The following ETV1 variants were observed in gnomAD, a reference collection of about 807,000 sequenced individuals.
ETV1 encodes the protein ETS variant transcription factor 1.
ETV1 carries 27 observed loss-of-function variants against 62.3 expected under a neutral mutation model. That is an observed-to-expected ratio of 0.43 (90% CI 0.32 to 0.60). The LOEUF is 0.60. Ranked by LOEUF, ETV1 falls within the 20% of genes least tolerant of loss-of-function variation. The pLI is 0.06. For missense variants in ETV1, 605 were observed against 605.8 expected, an observed-to-expected ratio of 1.00 and a Z score of 0.01; for synonymous variants, 222 against 199.6, an observed-to-expected ratio of 1.11 and a Z score of -0.94.
At chr7:13,922,282 C>G (rs1235049655) in intron 9 of ETV1, among the ~76,000 whole-genome samples, 1 of 152,136 alleles carries the variant, frequency 6.6e-6, no homozygotes, top group East Asian at 1.9e-4. Context: ...GGCATACATT[C>G]GTAACAACTT....
intron 9 of ETV1, among the ~76,000 whole-genome samples, chr7:13,925,391 T>A (rs1329585934): frequency 1.3e-5 from 2 of 152,122 alleles, no homozygotes; most frequent in Admixed American, 6.6e-5. Context: ...TGAACATGAA[T>A]CCCACTAAGT....
At chr7:13,927,603 G>C (rs778977681) in intron 9 of ETV1, among the ~76,000 whole-genome samples, 1 of 152,054 alleles carries the variant, frequency 6.6e-6, no homozygotes, top group Non-Finnish European at 1.5e-5. Flanking sequence ...TTCCTCAAAG[G>C]TTATTAAGTG....
chr7:13,972,387 A>G (rs1463562520), intron 6 of ETV1, among the ~76,000 whole-genome samples: 1 of 152,032 alleles, frequency 6.6e-6, no homozygotes, highest in East Asian at 1.9e-4. Context: ...AGCCAAAATC[A>G]TGCCACTGCA....
chr7:13,979,238 G>A (rs1443653436), intron 5 of ETV1, among the ~76,000 whole-genome samples: 2 of 151,920 alleles, frequency 1.3e-5, no homozygotes, highest in East Asian at 1.9e-4. Flanking sequence ...CAGTCTAAAC[G>A]CAATGCCAGC....
intron 6 of ETV1, among the ~76,000 whole-genome samples, chr7:13,954,943 A>G (rs1474408158): frequency 6.6e-6 from 1 of 152,208 alleles, no homozygotes; most frequent in East Asian, 1.9e-4. Context: ...GTAAATGCCA[A>G]TAAAACTTTA....
At position 13,936,448 on chromosome 7, in the gene ETV1, C is replaced by T. The variant is rs143086249; in HGVS notation, c.366-552G>A. Among the ~76,000 whole-genome samples the T allele has an allele frequency of 9.1e-4, 139 of 152,190 alleles. 1 individual carries two copies. Among genetic ancestry groups the T allele is most frequent in the African/African-American group, 3.2e-3 (131 of 41,522 alleles). ...ATGATGCTTGGCATTAACTTCCCCA[C>T]ATGGGATAATGAAGATTAATGAGGT... On this transcript the variant is annotated intron_variant, in intron 7 of 13. Coordinates refer to ENST00000430479, the MANE Select transcript of ETV1 (RefSeq NM_004956.5).
In ETV1 at chr7:13,975,608, G is replaced by A. The variant is rs556145733; in HGVS notation, c.235+1819C>T. On this transcript the variant is annotated intron_variant, in intron 6 of 13. Coordinates refer to ENST00000430479, the MANE Select transcript of ETV1 (RefSeq NM_004956.5). ...AAGAAAAGAAAAAAAAAAAGGAAAG[G>A]TTTCGGGACAGAACCCTAGGGAAAG... 5.4e-5 allele frequency among the ~76,000 whole-genome samples: 8 copies of A among 148,976 alleles called. No homozygotes were observed. The South Asian group carries it at 1.5e-3, about 28-fold the overall frequency.
chr7:13,931,348 T>C (rs1786124501), intron 9 of ETV1, among the ~76,000 whole-genome samples, 154 bp downstream of exon 9: 2 of 152,220 alleles, frequency 1.3e-5, no homozygotes, highest in South Asian at 2.1e-4. Flanking sequence ...GTTCAAATCT[T>C]TACACGTAGA....
At chr7:13,953,345 A>G (rs1789044858) in intron 6 of ETV1, among the ~76,000 whole-genome samples, 1 of 152,222 alleles carries the variant, frequency 6.6e-6, no homozygotes, top group South Asian at 2.1e-4. Context: ...CACCTCTTCT[A>G]CAGAAATTGT....
intron 7 of ETV1, among the ~76,000 whole-genome samples, chr7:13,937,720 A>G (rs1042893355): frequency 6.6e-6 from 1 of 152,236 alleles, no homozygotes; most frequent in Non-Finnish European, 1.5e-5. Flanking sequence ...ACTATAAAAT[A>G]AAACTCAGAT....
At chr7:13,943,458 T>G (rs754404280) in intron 6 of ETV1, among the ~76,000 whole-genome samples, 3 of 152,206 alleles carry the variant, frequency 2.0e-5, no homozygotes, top group Admixed American at 6.5e-5. Context: ...GAAAACTTTC[T>G]GGCAATATCT....
chr7:13,924,260 G>A (rs972982228), intron 9 of ETV1, among the ~76,000 whole-genome samples: 3 of 152,100 alleles, frequency 2.0e-5, no homozygotes, highest in South Asian at 2.1e-4. Context: ...GAGGTCCAAT[G>A]AGAAGACTCA....
At chr7:13,948,950 G>C (rs980953182) in intron 6 of ETV1, among the ~76,000 whole-genome samples, 7 of 152,006 alleles carry the variant, frequency 4.6e-5, no homozygotes, top group African/African-American at 1.7e-4. Context: ...ACACAAACTA[G>C]CTGATTAAAA....
At chr7:13,970,325 CAAAGCAGCAACTACAA>C (rs1400192884) in intron 6 of ETV1, among the ~76,000 whole-genome samples, 1 of 126,560 alleles carries the variant, frequency 7.9e-6, no homozygotes, top group Non-Finnish European at 1.7e-5. Context: ...CACACACACA[CAAAGCAGCAACTACAA>C]AAAGCATACC....
Position 13,935,771 on chromosome 7 carries a change from G to T in ETV1, c.491C>A (p.Ala164Asp), listed in dbSNP as rs766310266. The part of the protein sequence containing the change: ...NSTHTPKPDR[A>D]FPAHLPPSQS... ...CGATGGAGGGAGGTGAGCTGGGAAG[G>T]CCCGGTCAGGTTTCGGTGTATGAGT... Residue 164 changes from alanine (A) to aspartate (D), a missense_variant, in exon 8 of 14, where the codon GCC (alanine) becomes GAC (aspartate). By Grantham distance (126) the Ala-to-Asp change is moderately radical. Coordinates refer to ENST00000430479, the MANE Select transcript of ETV1 (RefSeq NM_004956.5). 9.9e-6 allele frequency: 16 copies of T among 1,613,940 alleles called. No homozygotes were observed. The highest frequency in any genetic ancestry group is 1.4e-5 in the Non-Finnish European group (16 of 1,179,880).
intron 7 of ETV1, among the ~76,000 whole-genome samples, chr7:13,937,421 T>C (rs1562646273): frequency 6.6e-6 from 1 of 152,238 alleles, no homozygotes; most frequent in Non-Finnish European, 1.5e-5. Context: ...ATTTTCTGTA[T>C]AGCGATGGAA....
At chr7:13,940,506 A>G (rs2128460965) in intron 6 of ETV1, among the ~76,000 whole-genome samples, 1 of 152,324 alleles carries the variant, frequency 6.6e-6, no homozygotes, top group East Asian at 1.9e-4. Flanking sequence ...TTAAAAAAGG[A>G]AAAAATAATC....
chr7:13,969,882 A>G (rs1780691474), intron 6 of ETV1, among the ~76,000 whole-genome samples: 1 of 152,162 alleles, frequency 6.6e-6, no homozygotes. Context: ...TCTAGAGAGG[A>G]CTGTGAGTTG....
Position 13,935,848 on chromosome 7 carries a change from G to T in ETV1, c.414C>A (p.Pro138=), listed in dbSNP as rs772531873. The change falls in exon 8 of 14, where the codon CCC becomes CCA. Residue 138 remains proline, a synonymous_variant. Coordinates refer to ENST00000430479, the MANE Select transcript of ETV1 (RefSeq NM_004956.5). ...GGGACACTGGCGTGCTGGATGGTGT[G>T]GGGGGGTTGGAGGGCCTCATTCCCA... The part of the protein sequence containing the change: ...PQVGMRPSNP[P]TPSSTPVSPL... The T allele has an allele frequency of 2.0e-5, 32 of 1,613,014 alleles. No individual in the cohort carries two copies. Among genetic ancestry groups the T allele is most frequent in the Middle Eastern group, 1.6e-4 (1 of 6,082 alleles).
Sources: gnomAD v4.1 joint callset for allele counts (sites outside exome capture counted in the v4.1 genomes callset) on GRCh38, gnomAD v4.1.1 for gene constraint, MANE v1.5 for transcripts, NCBI Gene and HGNC (gene_info 2026-07-23, HGNC 2026-07-21) for gene names.